Variants in CRLF3 observed in about 807,000 individuals in gnomAD.
CRLF3 encodes cytokine receptor like factor 3, also known as cytokine receptor-like factor 3.
A neutral mutation model predicts 55.0 loss-of-function variants in CRLF3; 33 were observed. The observed-to-expected ratio is 0.60, with a 90% CI of 0.46 to 0.80. The LOEUF is 0.80. CRLF3 is among the 30% of genes least tolerant of loss of function. CRLF3 has a pLI of 0.00. For synonymous variants in CRLF3, 238 were observed against 196.8 expected (o/e 1.21, Z -1.75); for missense variants, 494 against 538.4 (o/e 0.92, Z 0.82).
chr17:30,785,872 AAAT>A, intron 7 of CRLF3, 44 bp downstream of exon 7: 1 of 1,017,970 alleles, frequency 9.8e-7, no homozygotes, highest in East Asian at 2.4e-5. Context: ...CATATTACTA[AAAT>A]AATTAATATA....
Position 30,784,231 on chromosome 17 carries a change from CAAAGT to C in CRLF3, c.1280_1284del (p.Tyr427TrpfsTer29). On this transcript the variant is annotated frameshift_variant, in exon 8 of 8. Coordinates refer to ENST00000324238, the MANE Select transcript of CRLF3 (RefSeq NM_015986.4). LOFTEE classifies it high-confidence loss of function. ...CATCCAGGATAGAAAAATGAGCATC[CAAAGT>C]AAAGAGAACCACAAGACTGATCAAG... 2 of 1,613,794 alleles carry C rather than the reference CAAAGT, an allele frequency of 1.2e-6. No individual in the cohort carries two copies. The highest frequency in any genetic ancestry group is 1.7e-6 in the Non-Finnish European group (2 of 1,179,914).
rs1036953634 is a variant in CRLF3, at chr17:30,795,084, A to T, written c.603+1076T>A. On this transcript the variant is annotated intron_variant, in intron 4 of 7. Coordinates refer to ENST00000324238, the MANE Select transcript of CRLF3 (RefSeq NM_015986.4). ...AAAATACTTATAGCAAAAAACTGGA[A>T]ATAACTAGGTCCACTGATAGGAAAA... Among the ~76,000 whole-genome samples, 20 of 152,198 alleles carry T rather than the reference A, an allele frequency of 1.3e-4. 1 individual carries two copies. The highest frequency in any genetic ancestry group is 1.5e-5 in the Non-Finnish European group (1 of 68,036).
chr17:30,812,143 CAA>C (rs1904649777), intron 1 of CRLF3, among the ~76,000 whole-genome samples: 1 of 151,872 alleles, frequency 6.6e-6, no homozygotes, highest in Admixed American at 6.6e-5. Flanking sequence ...AAAATAAAGA[CAA>C]AGATAAAAAA....
At position 30,788,841 on chromosome 17, in the gene CRLF3, C is replaced by T. The variant is rs536333811; in HGVS notation, c.960-2810G>A. Among the ~76,000 whole-genome samples, 9 of 151,858 alleles carry T rather than the reference C, an allele frequency of 5.9e-5. No homozygotes were observed. The South Asian group carries it at 1.9e-3, about 32-fold the overall frequency. On this transcript the variant is annotated intron_variant, in intron 6 of 7. Coordinates refer to ENST00000324238, the MANE Select transcript of CRLF3 (RefSeq NM_015986.4). Reference sequence around the variant, plus strand: ...CAGGCTGGTCTCGAACTCCTGACCTCGTGATCTGCCCACCTCAGCCTCCCA... The same window carrying T: ...CAGGCTGGTCTCGAACTCCTGACCTTGTGATCTGCCCACCTCAGCCTCCCA...
At position 30,790,060 on chromosome 17, in the gene CRLF3, G is replaced by A. The variant is rs147510656; in HGVS notation, c.959+2380C>T. ...TTTACTGAGTCATTCTTCATTAAGG[G>A]GTGAGGTGTCAAAAATTAGACAAAA... On this transcript the variant is annotated intron_variant, in intron 6 of 7. Transcript: ENST00000324238. Among the ~76,000 whole-genome samples, 1,331 of 151,974 alleles carry A rather than the reference G, an allele frequency of 8.8e-3. 20 individuals carry two copies. The highest frequency in any genetic ancestry group is 0.03 in the African/African-American group (1,254 of 41,442).
intron 4 of CRLF3, among the ~76,000 whole-genome samples, chr17:30,795,296 C>T (rs557044282): frequency 2.0e-5 from 3 of 150,332 alleles, no homozygotes; most frequent in South Asian, 4.2e-4. Context: ...ACCTGACCAA[C>T]ATGGAGAAAC....
intron 4 of CRLF3, 24 bp downstream of exon 4, chr17:30,796,136 T>A: frequency 6.5e-7 from 1 of 1,549,660 alleles, no homozygotes; most frequent in South Asian, 1.3e-5. Context: ...GTGGAAGTCA[T>A]TTCTAGAATT....
At chr17:30,816,488 C>CTTTTTTTTTTTTT (rs1183953028) in intron 1 of CRLF3, among the ~76,000 whole-genome samples, 1 of 117,498 alleles carries the variant, frequency 8.5e-6, no homozygotes. Flanking sequence ...TTCTTTCTTT[C>CTTTTTTTTTTTTT]TTTTTTTTTT....
intron 2 of CRLF3, among the ~76,000 whole-genome samples, chr17:30,803,375 T>G (rs2035494): frequency 0.13 from 19,318 of 152,164 alleles, 1,287 homozygotes; most frequent in South Asian, 0.25. Context: ...ATGCGATACC[T>G]AACGGTATAT....
intron 6 of CRLF3, among the ~76,000 whole-genome samples, chr17:30,791,548 T>C (rs551268943): frequency 1.3e-5 from 2 of 148,788 alleles, no homozygotes; most frequent in African/African-American, 5.0e-5. Context: ...AACGGAGTCT[T>C]GCTGTGTCGC....
chr17:30,792,040 G>A (rs1340913180), intron 6 of CRLF3, among the ~76,000 whole-genome samples: 5 of 151,938 alleles, frequency 3.3e-5, no homozygotes, highest in Non-Finnish European at 7.4e-5. Flanking sequence ...TAGAGATGGG[G>A]TTTCTCCATG....
chr17:30,786,253 T>G (rs896528957), intron 6 of CRLF3: 2 of 396,268 alleles, frequency 5.0e-6, no homozygotes, highest in African/African-American at 4.2e-5. Flanking sequence ...TTTTTCTTTT[T>G]TGTTGAGACG....
At chr17:30,815,920 A>G (rs1253515577) in intron 1 of CRLF3, among the ~76,000 whole-genome samples, 1 of 151,296 alleles carries the variant, frequency 6.6e-6, no homozygotes, top group Non-Finnish European at 1.5e-5. Flanking sequence ...CAGCTTTCAG[A>G]GTACCATATT....
intron 2 of CRLF3, among the ~76,000 whole-genome samples, chr17:30,803,459 G>A (rs1310569874): frequency 1.3e-5 from 2 of 152,154 alleles, no homozygotes; most frequent in Admixed American, 6.6e-5. Flanking sequence ...GAAGCCTGCT[G>A]CTATCCTGAG....
At position 30,790,595 on chromosome 17, in the gene CRLF3, A is replaced by T. The variant is rs1343238244; in HGVS notation, c.959+1845T>A. The T allele has an allele frequency of 2.1e-5, 3 of 143,910 alleles. No individual in the cohort carries two copies. In the East Asian group the frequency reaches 5.9e-4, roughly 28 times the overall value. 8.9% of individuals were successfully genotyped at this position (143,910 alleles called of 1,614,324 possible). ...AGGACAAAACAAATTCTTGGCCAGT[A>T]AATTTTTTTGCTTTTTTTTTTTTTT... On this transcript the variant is annotated intron_variant, in intron 6 of 7. Transcript: ENST00000324238.
chr17:30,785,749 T>C (rs987700179), intron 7 of CRLF3, among the ~76,000 whole-genome samples, 170 bp downstream of exon 7: 1 of 148,616 alleles, frequency 6.7e-6, no homozygotes, highest in Non-Finnish European at 1.5e-5. Context: ...GCCACTGTAC[T>C]CCAGCCTGAG....
At position 30,784,423 on chromosome 17, in the gene CRLF3, T is replaced by C; in HGVS notation, c.1093A>G (p.Lys365Glu). The change falls in exon 8 of 8, where the codon AAA becomes GAA. Residue 365 changes from lysine (K) to glutamate (E), a missense_variant. Physicochemically the swap from Lys to Glu is moderately conservative, Grantham distance 56 (BLOSUM62 1). Transcript: ENST00000324238. ...GCGGGTAACTGATTTGTCATTTCTTTTCCATTGACAAAAACTGCACCTAAA... is the reference window on the plus strand; with the variant it reads ...GCGGGTAACTGATTTGTCATTTCTTCTCCATTGACAAAAACTGCACCTAAA... ...STNGAVFVNG[K>E]EMTNQLPAVT... 1 of 1,612,810 alleles carries C rather than the reference T, an allele frequency of 6.2e-7. No homozygotes were observed. Among genetic ancestry groups the C allele is most frequent in the Non-Finnish European group, 8.5e-7 (1 of 1,178,858 alleles).
intron 6 of CRLF3, among the ~76,000 whole-genome samples, chr17:30,789,759 T>C (rs1971745947): frequency 6.6e-6 from 1 of 152,182 alleles, no homozygotes. Flanking sequence ...TAGTAAATAC[T>C]GTTTAAATAT....
chr17:30,786,322 C>T (rs777368671), intron 6 of CRLF3: 11 of 214,152 alleles, frequency 5.1e-5, no homozygotes, highest in Non-Finnish European at 6.5e-5. Context: ...TCACTGCAAC[C>T]TCCGCCTCCC....
Sources: allele counts gnomAD v4.1 joint callset (sites outside exome capture counted in the v4.1 genomes callset), GRCh38; gene constraint gnomAD v4.1.1; transcripts MANE v1.5; gene names NCBI Gene and HGNC (gene_info 2026-07-23, HGNC 2026-07-21).